Variants in TARS3 observed in about 807,000 individuals in gnomAD.
TARS3 encodes the protein threonine--tRNA ligase 2, cytoplasmic.
Under a neutral mutation model 103.5 loss-of-function variants are expected in TARS3, and 94 were observed. The ratio of observed to expected loss-of-function variants is 0.91; its 90% CI spans 0.77 to 1.08. The LOEUF (loss-of-function observed/expected upper bound fraction) is 1.08. TARS3 is among the 50% of genes least tolerant of loss of function. The pLI is 0.00. For missense variants in TARS3, 952 were observed against 995.2 expected, an observed-to-expected ratio of 0.96 and a Z score of 0.58; for synonymous variants, 416 against 355.4, an observed-to-expected ratio of 1.17 and a Z score of -1.92.
Position 101,654,407 on chromosome 15 carries a change from T to G in TARS3, c.*175A>C. ...GCCCTCTAAACGTCCCCCGTGGACA[T>G]GAGTAAATTAAACTTCGTGCATGTC... On this transcript the variant is annotated 3_prime_UTR_variant, in exon 19 of 19. Coordinates refer to ENST00000335968, the MANE Select transcript of TARS3 (RefSeq NM_152334.3). The G allele has an allele frequency of 1.6e-6, 1 of 628,154 alleles. No individual in the cohort carries two copies. Among genetic ancestry groups the G allele is most frequent in the Non-Finnish European group, 2.6e-6 (1 of 390,226 alleles). 38.9% of individuals were successfully genotyped at this position (628,154 alleles called of 1,614,324 possible). A position where few individuals can be genotyped will look rare whatever the true frequency, so the allele number is the denominator to read the frequency against.
intron 10 of TARS3, among the ~76,000 whole-genome samples, chr15:101,691,079 C>T (rs1898695981): frequency 1.3e-5 from 2 of 151,944 alleles, no homozygotes; most frequent in East Asian, 1.9e-4. Flanking sequence ...GCTGGGACTA[C>T]AGGCGCCCAC....
At chr15:101,656,276 C>T (rs1436365169) in intron 18 of TARS3, among the ~76,000 whole-genome samples, 1 of 152,234 alleles carries the variant, frequency 6.6e-6, no homozygotes, top group African/African-American at 2.4e-5. Flanking sequence ...AATACCTACT[C>T]TGGTGTCAAA....
At chr15:101,714,984 T>G (rs199733310) in intron 3 of TARS3, 21 bp from the exon 4 acceptor site, 1 of 1,600,242 alleles carries the variant, frequency 6.2e-7, no homozygotes, top group South Asian at 1.1e-5. Flanking sequence ...AAAAGCCACT[T>G]GGGAGTTAAC....
intron 10 of TARS3, among the ~76,000 whole-genome samples, 194 bp from the exon 11 acceptor site, chr15:101,686,256 A>C (rs1464370466): frequency 6.6e-6 from 1 of 152,170 alleles, no homozygotes; most frequent in Non-Finnish European, 1.5e-5. Context: ...TATAATTTCT[A>C]TTGAGTATAT....
intron 12 of TARS3, among the ~76,000 whole-genome samples, chr15:101,681,947 GTTTA>G (rs1350617649): frequency 6.6e-6 from 1 of 152,038 alleles, no homozygotes; most frequent in East Asian, 1.9e-4. Flanking sequence ...ATTTCCAAGG[GTTTA>G]TTATTATGAA....
At chr15:101,680,066 C>T (rs538475084) in intron 12 of TARS3, among the ~76,000 whole-genome samples, 4 of 152,300 alleles carry the variant, frequency 2.6e-5, no homozygotes, top group African/African-American at 9.6e-5. Flanking sequence ...AGGCTCCCCA[C>T]ATAGTCTTCA....
intron 8 of TARS3, among the ~76,000 whole-genome samples, chr15:101,702,856 C>T (rs1899351283): frequency 6.6e-6 from 1 of 152,214 alleles, no homozygotes; most frequent in Non-Finnish European, 1.5e-5. Context: ...TGGATTCTAA[C>T]TAAACCTTCC....
chr15:101,657,306 A>G (rs1345264803), intron 17 of TARS3, among the ~76,000 whole-genome samples: 4 of 152,220 alleles, frequency 2.6e-5, no homozygotes, highest in African/African-American at 9.6e-5. Flanking sequence ...GCAAGCAAGC[A>G]CCCAGGTGAT....
intron 3 of TARS3, among the ~76,000 whole-genome samples, chr15:101,718,551 C>G (rs1302810745): frequency 6.6e-6 from 1 of 152,090 alleles, no homozygotes; most frequent in Non-Finnish European, 1.5e-5. Flanking sequence ...AATCTTCTTT[C>G]CCAAACCGCA....
chr15:101,670,610 G>A (rs556546260), intron 15 of TARS3, among the ~76,000 whole-genome samples: 4 of 152,300 alleles, frequency 2.6e-5, no homozygotes, highest in African/African-American at 9.6e-5. Context: ...AAAACAGTTT[G>A]GCAGTTTCTA....
intron 5 of TARS3, among the ~76,000 whole-genome samples, chr15:101,710,823 A>AG (rs367602390): frequency 2.0e-5 from 3 of 147,202 alleles, no homozygotes; most frequent in Admixed American, 6.8e-5. Flanking sequence ...AGAGAAGGAG[A>AG]GGGGGGTGGG....
rs575586513 is a variant in TARS3 at position 101,684,794 on chromosome 15, A to G, written c.1488-557T>C. 2.8e-4 allele frequency among the ~76,000 whole-genome samples: 43 copies of G among 152,140 alleles called. 1 individual carries two copies. In the South Asian group the frequency reaches 8.5e-3, roughly 30 times the overall value. ...GAAAGACTTCTCTCCTGCAGAAAGC[A>G]CTCCTAGCTTCCATATCCCATTGCC... On this transcript the variant is annotated intron_variant, in intron 11 of 18. Transcript: ENST00000335968.
intron 3 of TARS3, among the ~76,000 whole-genome samples, chr15:101,715,858 T>TGA (rs1408455016): frequency 6.6e-6 from 1 of 152,244 alleles, no homozygotes; most frequent in Non-Finnish European, 1.5e-5. Context: ...GATGTACCGT[T>TGA]GACAGATTTC....
chr15:101,722,983 AAAT>A (rs1347793378), intron 2 of TARS3, 107 bp downstream of exon 2: 1 of 1,064,152 alleles, frequency 9.4e-7, no homozygotes, highest in African/African-American at 1.6e-5. Flanking sequence ...AATGTGACCC[AAAT>A]AATAATTTAA....
intron 12 of TARS3, among the ~76,000 whole-genome samples, chr15:101,678,133 C>T (rs577225530): frequency 3.3e-5 from 5 of 151,928 alleles, no homozygotes; most frequent in Non-Finnish European, 7.4e-5. Flanking sequence ...GTGTGTGCCA[C>T]CACACCCAGC....
chr15:101,670,018 A>G (rs909724940), intron 15 of TARS3, among the ~76,000 whole-genome samples: 4 of 152,378 alleles, frequency 2.6e-5, no homozygotes, highest in Non-Finnish European at 5.9e-5. Context: ...GTCACATCTT[A>G]CACAAACAAT....
chr15:101,702,524 C>T (rs1899336660), intron 8 of TARS3, 139 bp from the exon 9 acceptor site: 1 of 715,786 alleles, frequency 1.4e-6, no homozygotes, highest in Non-Finnish European at 2.4e-6. Context: ...AATCCCAGCA[C>T]TTTGGGAGGC....
In TARS3 at chr15:101,723,096, G is replaced by A. The variant is rs142596036; in HGVS notation, c.366C>T (p.Ser122=). The A allele has an allele frequency of 4.6e-5, 74 of 1,613,728 alleles. No homozygotes were observed. In the East Asian group the frequency reaches 6.5e-4, roughly 14 times the overall value. ...KKKMKESEAD[S]EVKHQPIFIK... ...TGTTTCCACAGCAACAACTTACCTC[G>A]CTGTCAGCCTCGCTTTCCTTCATTT... Residue 122 remains serine, a synonymous_variant, in exon 2 of 19, where the codon AGC becomes AGT. Transcript: ENST00000335968.
Position 101,654,577 on chromosome 15 carries a change from G to A in TARS3, c.*5C>T. The A allele has an allele frequency of 1.2e-6, 2 of 1,606,812 alleles. No homozygotes were observed. Among genetic ancestry groups the A allele is most frequent in the Non-Finnish European group, 1.7e-6 (2 of 1,178,260 alleles). On this transcript the variant is annotated 3_prime_UTR_variant, in exon 19 of 19. Transcript: ENST00000335968. ...TTACACAGAAGCAAATATCAGGGAA[G>A]GACTTCAAAAGGCCTCCTCAGCATT...
Sources: gnomAD v4.1 joint callset for allele counts (sites outside exome capture counted in the v4.1 genomes callset) on GRCh38, gnomAD v4.1.1 for gene constraint, MANE v1.5 for transcripts, NCBI Gene and HGNC (gene_info 2026-07-23, HGNC 2026-07-21) for gene names.